The following NEXMIF variants were observed in gnomAD, a reference collection of about 807,000 sequenced individuals.
The protein encoded by NEXMIF is neurite extension and migration factor, also known as XLMR protein related to neurite extension.
In NEXMIF, 8 loss-of-function variants were observed where a neutral mutation model predicts 62.1. The observed-to-expected ratio is 0.13, with a 90% CI of 0.08 to 0.23. The LOEUF is 0.23. Among genes scored for constraint, NEXMIF ranks in the 10% least tolerant of loss-of-function variants. NEXMIF has a pLI of 1.00. For synonymous variants in NEXMIF, 404 were observed against 416.6 expected (o/e 0.97, Z 0.37); for missense variants, 976 against 1,113.3 (o/e 0.88, Z 1.75).
chrX:74,855,181 G>A (rs2080530267), intron 1 of NEXMIF, among the ~76,000 whole-genome samples: 1 of 111,786 alleles, frequency 8.9e-6, no homozygotes, highest in Non-Finnish European at 1.9e-5. Flanking sequence ...CAAAGCTGTA[G>A]TACCCAAAAC....
chrX:74,901,265 C>G (rs1329703575), intron 1 of NEXMIF, among the ~76,000 whole-genome samples: 1 of 111,723 alleles, frequency 9.0e-6, no homozygotes, highest in African/African-American at 3.2e-5. Flanking sequence ...TATTTCTAGG[C>G]AAGATAATCT....
chrX:74,909,109 GC>G (rs763600913), intron 1 of NEXMIF, among the ~76,000 whole-genome samples: 2 of 111,705 alleles, frequency 1.8e-5, no homozygotes, highest in African/African-American at 6.5e-5. Context: ...GCAGAGTGGG[GC>G]ATTGCTGAAA....
chrX:74,885,068 G>A (rs2080685281), intron 1 of NEXMIF, among the ~76,000 whole-genome samples: 1 of 110,155 alleles, frequency 9.1e-6, no homozygotes, highest in African/African-American at 3.3e-5. Flanking sequence ...ATGAAATGAA[G>A]GCAGAAATAA....
chrX:74,868,429 T>G (rs1034023462), intron 1 of NEXMIF, among the ~76,000 whole-genome samples: 1 of 111,716 alleles, frequency 9.0e-6, no homozygotes, highest in Non-Finnish European at 1.9e-5. Flanking sequence ...ATATACACCA[T>G]TGAATACTAT....
intron 1 of NEXMIF, among the ~76,000 whole-genome samples, chrX:74,796,209 T>TAATATATATATACATATATAA (rs1491129454): frequency 2.1e-5 from 1 of 46,615 alleles, no homozygotes; most frequent in Non-Finnish European, 3.9e-5. Context: ...TACATATATA[T>TAATATATATATACATATATAA]TATATATATA....
intron 1 of NEXMIF, among the ~76,000 whole-genome samples, chrX:74,826,695 A>T (rs902885445): frequency 2.7e-5 from 3 of 110,130 alleles, no homozygotes; most frequent in Non-Finnish European, 5.7e-5. Context: ...GCCCAGACCA[A>T]TGTATTGTAG....
rs1353700507 is a variant in NEXMIF, at chrX:74,743,433, T to C, written c.1124A>G (p.Glu375Gly). 1 of 1,210,518 alleles carries C rather than the reference T, an allele frequency of 8.3e-7. No homozygotes were observed. The change falls in exon 3 of 4, where the codon GAG becomes GGG. Residue 375 changes from glutamate (E) to glycine (G), a missense_variant. By Grantham distance (98) the Glu-to-Gly change is moderately conservative. Coordinates refer to ENST00000055682, the MANE Select transcript of NEXMIF (RefSeq NM_001008537.3). ...CTTCTTGTCCAAGTTTTTATCTTCC[T>C]CCCCCCAGATGATGCTCACATCAGG... ...KVPDVSIIWG[E>G]EDKNLDKKKG...
chrX:74,850,699 C>G (rs765880063), intron 1 of NEXMIF, among the ~76,000 whole-genome samples: 1 of 111,354 alleles, frequency 9.0e-6, no homozygotes, highest in African/African-American at 3.3e-5. Flanking sequence ...GCCAACACAA[C>G]AGATACATCT....
At chrX:74,769,125 G>A (rs2080202752) in intron 1 of NEXMIF, among the ~76,000 whole-genome samples, 1 of 109,728 alleles carries the variant, frequency 9.1e-6, no homozygotes, top group African/African-American at 3.3e-5. Context: ...AATCATGATA[G>A]TGTCTCCAAA....
intron 1 of NEXMIF, among the ~76,000 whole-genome samples, chrX:74,776,368 G>A (rs2080228448): frequency 9.0e-6 from 1 of 111,695 alleles, no homozygotes; most frequent in Admixed American, 9.5e-5. Context: ...TAGGGATGAA[G>A]ATGAATGAGT....
intron 1 of NEXMIF, among the ~76,000 whole-genome samples, chrX:74,778,549 C>T (rs939325978): frequency 8.9e-6 from 1 of 111,737 alleles, no homozygotes; most frequent in Non-Finnish European, 1.9e-5. Flanking sequence ...TACAAAAACC[C>T]TGTGAAGCAG....
chrX:74,772,496 A>G (rs972663541), intron 1 of NEXMIF, among the ~76,000 whole-genome samples: 2 of 112,555 alleles, frequency 1.8e-5, no homozygotes, highest in Non-Finnish European at 3.7e-5. Context: ...AGAGGAACCA[A>G]TGTTTTCTGC....
At chrX:74,764,895 T>G (rs1000295796) in intron 1 of NEXMIF, among the ~76,000 whole-genome samples, 5 of 111,891 alleles carry the variant, frequency 4.5e-5, no homozygotes, top group African/African-American at 1.6e-4. Context: ...AGAATGTATA[T>G]TCTGTTGTTT....
intron 1 of NEXMIF, among the ~76,000 whole-genome samples, chrX:74,843,703 C>T (rs868081429): frequency 2.6e-4 from 29 of 112,104 alleles, no homozygotes; most frequent in Admixed American, 4.7e-4. Context: ...CGTGAGCCAC[C>T]GTGCCCAGCC....
intron 1 of NEXMIF, among the ~76,000 whole-genome samples, chrX:74,894,644 C>T (rs1157088892): frequency 2.7e-5 from 3 of 112,045 alleles, no homozygotes; most frequent in African/African-American, 9.7e-5. Context: ...TTATCATGAC[C>T]AAGTGGGATT....
At chrX:74,772,618 CA>C (rs1331876770) in intron 1 of NEXMIF, among the ~76,000 whole-genome samples, 1 of 112,433 alleles carries the variant, frequency 8.9e-6, no homozygotes, top group East Asian at 2.8e-4. Flanking sequence ...CTCCTTTAAC[CA>C]ATGACAGTTT....
At chrX:74,888,138 G>T (rs2080703639) in intron 1 of NEXMIF, among the ~76,000 whole-genome samples, 1 of 109,299 alleles carries the variant, frequency 9.1e-6, no homozygotes, top group Non-Finnish European at 1.9e-5. Flanking sequence ...TGGGACTGTT[G>T]TGGGGTGGGG....
At chrX:74,819,692 T>C (rs773681821) in intron 1 of NEXMIF, among the ~76,000 whole-genome samples, 60 of 111,967 alleles carry the variant, frequency 5.4e-4, no homozygotes, top group Non-Finnish European at 9.0e-4. Flanking sequence ...AAAGAACAGA[T>C]GCTGGAGAGG....
At chrX:74,804,791 C>T (rs12688056) in intron 1 of NEXMIF, among the ~76,000 whole-genome samples, 6,609 of 111,536 alleles carry the variant, frequency 0.059, 245 homozygotes, top group African/African-American at 0.14. Context: ...ACTGGCTCTG[C>T]GCCCAGTTCT....
Sources: gnomAD v4.1 joint callset for allele counts (sites outside exome capture counted in the v4.1 genomes callset) on GRCh38, gnomAD v4.1.1 for gene constraint, MANE v1.5 for transcripts, NCBI Gene and HGNC (gene_info 2026-07-23, HGNC 2026-07-21) for gene names.